Variants in RNF217 observed in about 807,000 individuals in gnomAD.
The protein encoded by RNF217 is E3 ubiquitin-protein ligase RNF217.
A neutral mutation model predicts 57.8 loss-of-function variants in RNF217; 31 were observed. The observed-to-expected ratio is 0.54, with a 90% CI of 0.40 to 0.72. The LOEUF (loss-of-function observed/expected upper bound fraction) is 0.72, where lower values mean the gene tolerates loss of function less well. Among genes scored for constraint, RNF217 ranks in the 30% least tolerant of loss-of-function variants. The pLI is 0.00. For synonymous variants in RNF217, 313 were observed against 294.0 expected, an observed-to-expected ratio of 1.06 and a Z score of -0.66; for missense variants, 696 against 708.3, an observed-to-expected ratio of 0.98 and a Z score of 0.20.
chr6:124,981,974 A>G (rs1202446460), intron 1 of RNF217, among the ~76,000 whole-genome samples: 1 of 144,584 alleles, frequency 6.9e-6, no homozygotes, highest in Non-Finnish European at 1.5e-5. Context: ...GTTGCAATGA[A>G]CCGAGATCGC....
chr6:125,046,765 C>G (rs1467909162), intron 2 of RNF217: 2 of 439,968 alleles, frequency 4.5e-6, no homozygotes, highest in African/African-American at 4.0e-5. Context: ...TCTGCTGTTG[C>G]AGTTATAAGC....
intron 1 of RNF217, among the ~76,000 whole-genome samples, chr6:124,981,246 T>C (rs1684258134): frequency 1.3e-5 from 2 of 152,190 alleles, no homozygotes; most frequent in African/African-American, 4.8e-5. Flanking sequence ...ATTTACAGGG[T>C]ATTTAACTGG....
At chr6:125,027,260 G>A (rs903111287) in intron 1 of RNF217, among the ~76,000 whole-genome samples, 4 of 152,078 alleles carry the variant, frequency 2.6e-5, no homozygotes, top group African/African-American at 9.6e-5. Flanking sequence ...TTCTTCCTGG[G>A]CTTTTTTGTA....
At chr6:124,992,346 G>A (rs1784590557) in intron 1 of RNF217, among the ~76,000 whole-genome samples, 1 of 152,046 alleles carries the variant, frequency 6.6e-6, no homozygotes, top group Non-Finnish European at 1.5e-5. Flanking sequence ...ATTAAAACAT[G>A]TTTTCTATTC....
At chr6:125,045,769 G>A (rs893188359) in intron 2 of RNF217, among the ~76,000 whole-genome samples, 1 of 151,788 alleles carries the variant, frequency 6.6e-6, no homozygotes, top group Non-Finnish European at 1.5e-5. Context: ...TATTATTATG[G>A]ACTTGATTTT....
At chr6:125,023,060 G>A (rs1008651560) in intron 1 of RNF217, among the ~76,000 whole-genome samples, 3 of 152,066 alleles carry the variant, frequency 2.0e-5, no homozygotes, top group Non-Finnish European at 4.4e-5. Flanking sequence ...AAACAATTTT[G>A]CTAGAATAGG....
chr6:125,052,132 G>A (rs1787340971), intron 2 of RNF217, among the ~76,000 whole-genome samples: 1 of 152,006 alleles, frequency 6.6e-6, no homozygotes, highest in South Asian at 2.1e-4. Flanking sequence ...TATGAGTCCA[G>A]CTTGAACATA....
intron 1 of RNF217, among the ~76,000 whole-genome samples, chr6:125,010,914 A>G (rs1418625360): frequency 6.6e-6 from 1 of 152,108 alleles, no homozygotes; most frequent in Non-Finnish European, 1.5e-5. Context: ...AAATACTCAA[A>G]ATTTCAGTTA....
At chr6:124,993,113 A>G (rs1784623870) in intron 1 of RNF217, among the ~76,000 whole-genome samples, 1 of 152,192 alleles carries the variant, frequency 6.6e-6, no homozygotes, top group Non-Finnish European at 1.5e-5. Flanking sequence ...TATACTTGAT[A>G]TATGAACTTT....
chr6:124,987,982 G>A (rs1486092950), intron 1 of RNF217, among the ~76,000 whole-genome samples: 1 of 152,132 alleles, frequency 6.6e-6, no homozygotes, highest in African/African-American at 2.4e-5. Context: ...CCAATCCAGG[G>A]ATCAATCCCC....
intron 1 of RNF217, among the ~76,000 whole-genome samples, chr6:125,039,228 A>G (rs1000316364): frequency 1.1e-4 from 16 of 150,874 alleles, no homozygotes; most frequent in African/African-American, 3.9e-4. Context: ...TATGTACCAC[A>G]TTTTTTTTTC....
At chr6:124,964,548 C>G (rs926640474) in intron 1 of RNF217, among the ~76,000 whole-genome samples, 4 of 152,150 alleles carry the variant, frequency 2.6e-5, no homozygotes, top group African/African-American at 7.2e-5. Context: ...TGTGATTCCT[C>G]TATGTTTTTT....
chr6:125,045,478 T>C, intron 2 of RNF217, 34 bp downstream of exon 2: 1 of 1,536,256 alleles, frequency 6.5e-7, no homozygotes, highest in Non-Finnish European at 8.9e-7. Context: ...GGGTTAGATG[T>C]CACATGGCAG....
intron 4 of RNF217, among the ~76,000 whole-genome samples, chr6:125,079,696 A>G (rs1430211320): frequency 1.3e-5 from 2 of 152,158 alleles, no homozygotes; most frequent in African/African-American, 4.8e-5. Flanking sequence ...TTGCAAAGAA[A>G]TTTGATACTA....
intron 2 of RNF217, among the ~76,000 whole-genome samples, chr6:125,050,106 A>T (rs573230046): frequency 6.6e-6 from 1 of 152,042 alleles, no homozygotes; most frequent in Admixed American, 6.6e-5. Context: ...TAAAGGATTA[A>T]AAGTAGTTAT....
At position 125,092,177 on chromosome 6, in the gene RNF217, A is replaced by G. The variant is rs947307975; in HGVS notation, c.*9240A>G. 2.0e-5 allele frequency: 3 copies of G among 152,044 alleles called. No individual in the cohort carries two copies. The highest frequency in any genetic ancestry group is 7.2e-5 in the African/African-American group (3 of 41,412). 9.4% of individuals were successfully genotyped at this position (152,044 alleles called of 1,614,324 possible). A position where few individuals can be genotyped will look rare whatever the true frequency, so the allele number is the denominator to read the frequency against. On this transcript the variant is annotated 3_prime_UTR_variant, in exon 6 of 6. Coordinates refer to ENST00000521654, the MANE Select transcript of RNF217 (RefSeq NM_001286398.3). Reference sequence around the variant, plus strand: ...AAGCAGTGAAATTTAAAAATCTATTACCTCAAGAATTTTCAGTCGATATGT... The same window carrying G: ...AAGCAGTGAAATTTAAAAATCTATTGCCTCAAGAATTTTCAGTCGATATGT...
chr6:124,980,455 T>C (rs966934258), intron 1 of RNF217, among the ~76,000 whole-genome samples: 1 of 152,212 alleles, frequency 6.6e-6, no homozygotes, highest in Non-Finnish European at 1.5e-5. Flanking sequence ...TTTTTGGTAA[T>C]TCTATTTAGT....
intron 1 of RNF217, among the ~76,000 whole-genome samples, chr6:124,989,295 C>T (rs1784468493): frequency 6.6e-6 from 1 of 152,118 alleles, no homozygotes. Context: ...AAGTTATTTG[C>T]CATGTAATTA....
chr6:125,041,947 T>C (rs570631819), intron 1 of RNF217, among the ~76,000 whole-genome samples: 1 of 152,182 alleles, frequency 6.6e-6, no homozygotes, highest in East Asian at 1.9e-4. Flanking sequence ...TATTGTGCAA[T>C]ACTAATTTCT....
Sources: gnomAD v4.1 joint callset for allele counts (sites outside exome capture counted in the v4.1 genomes callset) on GRCh38, gnomAD v4.1.1 for gene constraint, MANE v1.5 for transcripts, NCBI Gene and HGNC (gene_info 2026-07-23, HGNC 2026-07-21) for gene names.